The following COL5A1 variants were observed in gnomAD, a reference collection of about 807,000 sequenced individuals.
COL5A1 encodes collagen alpha-1(V) chain.
A neutral mutation model predicts 263.7 loss-of-function variants in COL5A1; 16 were observed. The observed-to-expected ratio is 0.06, with a 90% CI of 0.04 to 0.09. The LOEUF (loss-of-function observed/expected upper bound fraction) is 0.09, where lower values mean the gene tolerates loss of function less well. Ranked by LOEUF, COL5A1 falls within the 10% of genes least tolerant of loss-of-function variation. The pLI is 1.00. For missense variants in COL5A1, 2,036 were observed against 2,540.5 expected, an observed-to-expected ratio of 0.80 and a Z score of 4.27; for synonymous variants, 1,012 against 1,004.5, an observed-to-expected ratio of 1.01 and a Z score of -0.14.
intron 65 of COL5A1, among the ~76,000 whole-genome samples, chr9:134,840,050 A>ATGTC (rs1457842432): frequency 6.6e-6 from 1 of 152,260 alleles, no homozygotes; most frequent in African/African-American, 2.4e-5. Context: ...CCTTTAGGAC[A>ATGTC]GCGTTTCTCA....
chr9:134,683,294 T>C (rs1832915139), intron 1 of COL5A1, among the ~76,000 whole-genome samples: 1 of 152,148 alleles, frequency 6.6e-6, no homozygotes, highest in South Asian at 2.1e-4. Context: ...CCTCCAAACC[T>C]TCTGCCCTTG....
intron 1 of COL5A1, among the ~76,000 whole-genome samples, chr9:134,669,279 TCCCTTCCCTTCCCTCCCCTCCCCTC>T (rs1260963336): frequency 1.5e-4 from 12 of 80,110 alleles, no homozygotes; most frequent in African/African-American, 5.3e-4. Flanking sequence ...TCCCTTCCCT[TCCCTTCCCTTCCCTCCCCTCCCCTC>T]CCCTCCCCTT....
intron 18 of COL5A1, among the ~76,000 whole-genome samples, chr9:134,760,343 C>T (rs12682742): frequency 1.5e-5 from 1 of 65,972 alleles, no homozygotes; most frequent in Non-Finnish European, 2.5e-5. Flanking sequence ...GCACACACAC[C>T]CCCACACACC....
chr9:134,822,980 G>A lies in COL5A1; in HGVS notation c.4609-18G>A, dbSNP rs759466196. 2.5e-5 allele frequency: 40 copies of A among 1,614,042 alleles called. No homozygotes were observed. In the South Asian group the frequency reaches 3.7e-4, roughly 15 times the overall value. ...CTGAGACCCGGCTTGCTGACGTTCT[G>A]CCCTCCTCTCTCTGCAGGGTCCGCC... On this transcript the variant is annotated intron_variant, in intron 59 of 65. Coordinates refer to ENST00000371817, the MANE Select transcript of COL5A1 (RefSeq NM_000093.5).
At chr9:134,723,116 C>T (rs1176037101) in intron 4 of COL5A1, among the ~76,000 whole-genome samples, 9 of 152,170 alleles carry the variant, frequency 5.9e-5, no homozygotes, top group Admixed American at 5.9e-4. Flanking sequence ...AGGAGAGGAA[C>T]CTGTCACCCA....
At chr9:134,650,661 A>G (rs1177420712) in intron 1 of COL5A1, among the ~76,000 whole-genome samples, 1 of 152,242 alleles carries the variant, frequency 6.6e-6, no homozygotes, top group Non-Finnish European at 1.5e-5. Flanking sequence ...CCAGTCAGAG[A>G]CCAGCCTGCT....
At chr9:134,736,105 C>A (rs1255524305) in intron 9 of COL5A1, among the ~76,000 whole-genome samples, 1 of 152,248 alleles carries the variant, frequency 6.6e-6, no homozygotes, top group African/African-American at 2.4e-5. Context: ...GGCCGGGAGT[C>A]CCCTCACCAG....
intron 58 of COL5A1, 148 bp downstream of exon 58, chr9:134,820,371 A>G: frequency 1.4e-6 from 1 of 712,960 alleles, no homozygotes; most frequent in Non-Finnish European, 2.5e-6. Context: ...GCAGATGGGA[A>G]CACTGACGGG....
At chr9:134,673,000 T>C (rs976909790) in intron 1 of COL5A1, among the ~76,000 whole-genome samples, 3 of 152,194 alleles carry the variant, frequency 2.0e-5, no homozygotes, top group Non-Finnish European at 2.9e-5. Flanking sequence ...ATTGCATAGA[T>C]AAATCAACGA....
At chr9:134,782,856 G>A in intron 29 of COL5A1, 136 bp downstream of exon 29, 1 of 883,910 alleles carries the variant, frequency 1.1e-6, no homozygotes. Context: ...TTCCTGGTGG[G>A]AAGGGGACAG....
intron 27 of COL5A1, among the ~76,000 whole-genome samples, chr9:134,778,831 C>G (rs930367650): frequency 6.6e-6 from 1 of 152,262 alleles, no homozygotes; most frequent in African/African-American, 2.4e-5. Flanking sequence ...GATTATGGTT[C>G]AGGGCAACCA....
rs369501428 is a variant in COL5A1, at chr9:134,824,652, G to A, written c.4751G>A (p.Arg1584Gln). 9.3e-6 allele frequency: 15 copies of A among 1,614,070 alleles called. No individual in the cohort carries two copies. The highest frequency in any genetic ancestry group is 4.0e-5 in the African/African-American group (3 of 74,932). ...QPLPIQASRT[R>Q]RNIDASQLLD... Reference sequence around the variant, plus strand: ...CTGCCAATCCAGGCATCCAGGACGCGGCGGAACATCGACGCCAGCCAGCTG... The same window carrying A: ...CTGCCAATCCAGGCATCCAGGACGCAGCGGAACATCGACGCCAGCCAGCTG... Residue 1584 changes from arginine (R) to glutamine (Q), a missense_variant, in exon 62 of 66, where the codon CGG becomes CAG. This residue lies in a region of COL5A1 where 358 missense variants were observed against 384.6 expected (regional missense o/e 0.93). Coordinates refer to ENST00000371817, the MANE Select transcript of COL5A1 (RefSeq NM_000093.5).
chr9:134,836,058 C>T (rs773903572), intron 65 of COL5A1, among the ~76,000 whole-genome samples: 2 of 152,220 alleles, frequency 1.3e-5, no homozygotes, highest in Non-Finnish European at 2.9e-5. Context: ...AGCCTGTTCT[C>T]TCCACCACTT....
At chr9:134,654,691 G>A (rs1831872286) in intron 1 of COL5A1, among the ~76,000 whole-genome samples, 1 of 139,762 alleles carries the variant, frequency 7.2e-6, no homozygotes, top group South Asian at 2.4e-4. Flanking sequence ...TAGAGCTGGT[G>A]TGTGTAGGGC....
At chr9:134,803,065 T>C in intron 39 of COL5A1, 70 bp downstream of exon 39, 1 of 1,310,344 alleles carries the variant, frequency 7.6e-7, no homozygotes, top group Admixed American at 2.0e-5. Context: ...TTTGTGTTTT[T>C]CTTGCCCTTT....
rs1836749424 is a variant in COL5A1, at chr9:134,768,312, T to C, written c.2233-98T>C. On this transcript the variant is annotated intron_variant, in intron 24 of 65. Coordinates refer to ENST00000371817, the MANE Select transcript of COL5A1 (RefSeq NM_000093.5). ...TGACCACACTTCTCAGCAAATGCTG[T>C]GTGGGCAGAAATGTTGAAAAGTAAC... 34 of 1,091,604 alleles carry C rather than the reference T, an allele frequency of 3.1e-5. 1 individual carries two copies. In the South Asian group the frequency reaches 4.1e-4, roughly 13 times the overall value. 67.6% of individuals were successfully genotyped at this position (1,091,604 alleles called of 1,614,324 possible).
chr9:134,804,986 C>G lies in COL5A1; in HGVS notation c.3126C>G (p.Gly1042=). Residue 1042 remains glycine, a synonymous_variant, in exon 40 of 66, where the codon GGC becomes GGG. Coordinates refer to ENST00000371817, the MANE Select transcript of COL5A1 (RefSeq NM_000093.5). ...GACTCTGTTTTCAGGGTGACCCAGG[C>G]CCTGCAGGCCTCCCTGGGAAAGATG... The part of the protein sequence containing the change: ...AGKEGTKGDP[G]PAGLPGKDGP... 2 of 1,613,674 alleles carry G rather than the reference C, an allele frequency of 1.2e-6. No individual in the cohort carries two copies. Among genetic ancestry groups the G allele is most frequent in the Non-Finnish European group, 1.7e-6 (2 of 1,179,830 alleles).
intron 1 of COL5A1, among the ~76,000 whole-genome samples, chr9:134,688,860 A>G (rs1833169828): frequency 6.6e-6 from 1 of 152,128 alleles, no homozygotes; most frequent in Non-Finnish European, 1.5e-5. Flanking sequence ...CCTTCCAGAG[A>G]ACTGTGGATG....
At chr9:134,829,582 C>T (rs1315121692) in intron 63 of COL5A1, among the ~76,000 whole-genome samples, 4 of 142,810 alleles carry the variant, frequency 2.8e-5, no homozygotes, top group Admixed American at 6.9e-5. Flanking sequence ...GGGCTCCTCA[C>T]GTGGCCTCCC....
Sources: gnomAD v4.1 joint callset for allele counts (sites outside exome capture counted in the v4.1 genomes callset) on GRCh38, gnomAD v4.1.1 for gene constraint, gnomAD v4.1.1 regional missense constraint, MANE v1.5 for transcripts, NCBI Gene and HGNC (gene_info 2026-07-23, HGNC 2026-07-21) for gene names.